Variants in C1orf159 observed in about 807,000 individuals in gnomAD.
The protein encoded by C1orf159 is uncharacterized protein C1orf159.
C1orf159 carries 19 observed loss-of-function variants against 25.6 expected under a neutral mutation model. The observed-to-expected ratio is 0.74, with a 90% confidence interval of 0.52 to 1.09. The LOEUF is 1.09. Among genes scored for constraint, C1orf159 ranks in the 50% least tolerant of loss-of-function variants. The probability of loss-of-function intolerance (pLI) is 0.00; values close to 1 mark genes in which losing one functional copy is unlikely to be tolerated. For missense variants in C1orf159, 274 were observed against 290.6 expected, an observed-to-expected ratio of 0.94 and a Z score of 0.42; for synonymous variants, 139 against 124.7, an observed-to-expected ratio of 1.12 and a Z score of -0.77.
At chr1:1,106,966 G>C (rs1235223880) in intron 1 of C1orf159, 1 of 152,516 alleles carries the variant, frequency 6.6e-6, no homozygotes, top group Non-Finnish European at 1.5e-5. Context: ...CCTGCACCAG[G>C]TTCGAATTCT....
Position 1,087,232 on chromosome 1 carries a change from CTG to C in C1orf159, c.245-30_245-29del, listed in dbSNP as rs749520956. 1.3e-6 allele frequency: 2 copies of C among 1,589,316 alleles called. No individual in the cohort carries two copies. The highest frequency in any genetic ancestry group is 1.7e-6 in the Non-Finnish European group (2 of 1,168,192). On this transcript the variant is annotated intron_variant, in intron 5 of 9. Coordinates refer to ENST00000421241, the MANE Select transcript of C1orf159 (RefSeq NM_017891.5). The surrounding 1 kb of genome is among the most constrained non-coding windows in gnomAD (Gnocchi z 8.3). ...GTGGGATAGCAGAACTGTGGGAAGC[CTG>C]TGTGCACGGAGCCCACGGGGACACC...
intron 4 of C1orf159, 117 bp downstream of exon 4, chr1:1,090,236 C>T (rs1645906129): frequency 2.8e-6 from 3 of 1,073,706 alleles, no homozygotes; most frequent in Non-Finnish European, 4.1e-6. Context: ...CCATCCACTC[C>T]CCAGGTCCCG....
At chr1:1,085,630 C>T (rs1399589175) in intron 7 of C1orf159, among the ~76,000 whole-genome samples, 3 of 152,238 alleles carry the variant, frequency 2.0e-5, no homozygotes, top group Admixed American at 6.5e-5. Context: ...AAGAGGGCTC[C>T]AGCAGAGGTT....
At chr1:1,083,183 G>A (rs1284519380) in intron 9 of C1orf159, 196 bp from the exon 10 acceptor site, 2 of 550,158 alleles carry the variant, frequency 3.6e-6, no homozygotes, top group South Asian at 2.3e-5. Flanking sequence ...GGAAAGGGAC[G>A]GCTTCCTCCT....
At position 1,113,991 on chromosome 1, in the gene C1orf159, A is replaced by C. The variant is rs534619920; in HGVS notation, c.-136+2069T>G. ...CAGTGCAGTGGCGCAATCTCGGCTC[A>C]CTGCAACCTCCGCCTCCCGAGTTCA... is the stretch of plus-strand genomic sequence containing the variant. On this transcript the variant is annotated intron_variant, in intron 1 of 9. Coordinates refer to ENST00000421241, the MANE Select transcript of C1orf159 (RefSeq NM_017891.5). 2.1e-5 allele frequency among the ~76,000 whole-genome samples: 3 copies of C among 139,810 alleles called. No individual in the cohort carries two copies. In the South Asian group the frequency reaches 6.7e-4, roughly 31 times the overall value. The allele number at this position is 139,810 out of a possible 152,430, so 91.7% of individuals were successfully genotyped here.
chr1:1,112,176 A>C (rs1308515988), intron 1 of C1orf159, among the ~76,000 whole-genome samples: 1 of 152,186 alleles, frequency 6.6e-6, no homozygotes, highest in Non-Finnish European at 1.5e-5. Flanking sequence ...GCGCCAGGGA[A>C]AGACAGGCTC....
At chr1:1,104,917 C>T (rs963532895) in intron 1 of C1orf159, among the ~76,000 whole-genome samples, 1 of 152,204 alleles carries the variant, frequency 6.6e-6, no homozygotes, top group Non-Finnish European at 1.5e-5. Context: ...GGATGTAAAC[C>T]TGTTCACTGT....
In C1orf159 at chr1:1,087,429, G is replaced by C; in HGVS notation, c.244+73C>G. 1 of 1,397,804 alleles carries C rather than the reference G, an allele frequency of 7.2e-7. No individual in the cohort carries two copies. The highest frequency in any genetic ancestry group is 9.8e-7 in the Non-Finnish European group (1 of 1,023,836). 86.6% of individuals were successfully genotyped at this position (1,397,804 alleles called of 1,614,324 possible). On this transcript the variant is annotated intron_variant, in intron 5 of 9. Transcript: ENST00000421241. The surrounding 1 kb of genome is among the most constrained non-coding windows in gnomAD (Gnocchi z 8.3). ...GGCTCTGGGGCAAGGTGGGGACACA[G>C]ACAGCAACTCCCACAGTGTCTCCCA...
At chr1:1,091,048 G>A (rs116334314) in intron 3 of C1orf159, 29,027 of 1,323,592 alleles carry the variant, frequency 0.022, 430 homozygotes, top group Middle Eastern at 0.041. Flanking sequence ...AATCCACACC[G>A]CCAGGGAGGG....
At chr1:1,111,200 T>C (rs926279334) in intron 1 of C1orf159, among the ~76,000 whole-genome samples, 2 of 152,192 alleles carry the variant, frequency 1.3e-5, no homozygotes, top group Non-Finnish European at 2.9e-5. Context: ...AATTGTGCTA[T>C]ACACTCTTTG....
At chr1:1,090,485 C>A in intron 3 of C1orf159, 57 bp from the exon 4 acceptor site, 1 of 1,521,214 alleles carries the variant, frequency 6.6e-7, no homozygotes, top group South Asian at 1.2e-5. Context: ...GGCTCACGCC[C>A]AGAGCAGCAG....
chr1:1,086,914 CT>C (rs1194832147), intron 6 of C1orf159, among the ~76,000 whole-genome samples: 1 of 152,212 alleles, frequency 6.6e-6, no homozygotes, highest in Non-Finnish European at 1.5e-5. Flanking sequence ...AGGGCCTCCC[CT>C]AACTACGGCC....
chr1:1,094,814 A>G (rs1645988081), intron 1 of C1orf159, among the ~76,000 whole-genome samples: 1 of 152,056 alleles, frequency 6.6e-6, no homozygotes, highest in Admixed American at 6.5e-5. Context: ...CTTGTTTTTT[A>G]TGTCCTAAGA....
Position 1,085,972 on chromosome 1 carries a change from G to A in C1orf159, c.351C>T (p.Phe117=). 1 of 1,613,338 alleles carries A rather than the reference G, an allele frequency of 6.2e-7. No individual in the cohort carries two copies. The highest frequency in any genetic ancestry group is 8.5e-7 in the Non-Finnish European group (1 of 1,179,826). ...RVAASLFLGT[F]FISSGLILSV... is the part of the protein sequence containing the mutation. The stretch of plus-strand genomic sequence containing the variant: ...AGAGGATGAGGCCGGAGCTAATGAA[G>A]AACGTGCCCAGGAAGAGGGAGGCGG... The change falls in exon 7 of 10, where the codon TTC becomes TTT. Residue 117 remains phenylalanine, a synonymous_variant. Coordinates refer to ENST00000421241, the MANE Select transcript of C1orf159 (RefSeq NM_017891.5).
At position 1,087,483 on chromosome 1, in the gene C1orf159, G is replaced by C; in HGVS notation, c.244+19C>G. Reference sequence around the variant, plus strand: ...CTGGAGCTGTGAGAAGGGAGCCGGGGGGAGCCGGGCAGACCTACAGCTTCT... The same window carrying C: ...CTGGAGCTGTGAGAAGGGAGCCGGGCGGAGCCGGGCAGACCTACAGCTTCT... On this transcript the variant is annotated intron_variant, in intron 5 of 9. Coordinates refer to ENST00000421241, the MANE Select transcript of C1orf159 (RefSeq NM_017891.5). This position sits in a 1 kb window ranked among gnomAD's most constrained non-coding sequence, Gnocchi z 8.3. The C allele has an allele frequency of 6.5e-7, 1 of 1,539,016 alleles. No homozygotes were observed. Among genetic ancestry groups the C allele is most frequent in the Non-Finnish European group, 8.8e-7 (1 of 1,138,314 alleles).
chr1:1,101,422 G>A (rs894518265), intron 1 of C1orf159, among the ~76,000 whole-genome samples: 10 of 152,318 alleles, frequency 6.6e-5, no homozygotes, highest in African/African-American at 2.4e-4. Context: ...GGCAGAGGTT[G>A]CAGTAAGCTG....
In C1orf159 at chr1:1,087,417, G is replaced by C; in HGVS notation, c.244+85C>G. ...CCAGTGGACAGTGGCTCTGGGGCAA[G>C]GTGGGGACACAGACAGCAACTCCCA... is the stretch of plus-strand genomic sequence containing the variant. On this transcript the variant is annotated intron_variant, in intron 5 of 9. Coordinates refer to ENST00000421241, the MANE Select transcript of C1orf159 (RefSeq NM_017891.5). The surrounding 1 kb of genome is among the most constrained non-coding windows in gnomAD (Gnocchi z 8.3). 7.5e-7 allele frequency: 1 copy of C among 1,340,736 alleles called. No individual in the cohort carries two copies. The allele number at this position is 1,340,736 out of a possible 1,614,324, so 83.1% of individuals were successfully genotyped here.
chr1:1,102,614 TAAAAAAAAAAAAAAAAAAA>T (rs1170365187), intron 1 of C1orf159, among the ~76,000 whole-genome samples: 36 of 34,136 alleles, frequency 1.1e-3, no homozygotes, highest in Admixed American at 3.6e-3. Context: ...CTGTCTCTAC[TAAAAAAAAAAAAAAAAAAA>T]AAAAAAAAAA....
intron 2 of C1orf159, 23 bp from the exon 3 acceptor site, chr1:1,091,588 G>A (rs925117312): frequency 3.4e-5 from 52 of 1,509,374 alleles, no homozygotes; most frequent in Non-Finnish European, 4.6e-5. Flanking sequence ...GGAGCATGCG[G>A]AGCCAAAGAG....
Sources: allele counts gnomAD v4.1 joint callset (sites outside exome capture counted in the v4.1 genomes callset), GRCh38; gene constraint gnomAD v4.1.1; non-coding constraint Gnocchi (gnomAD v3.1); transcripts MANE v1.5; gene names NCBI Gene and HGNC (gene_info 2026-07-23, HGNC 2026-07-21).